The following ARPC1B variants were observed in gnomAD, a reference collection of about 807,000 sequenced individuals.
ARPC1B encodes actin-related protein 2/3 complex subunit 1B.
Under a neutral mutation model 46.0 loss-of-function variants are expected in ARPC1B, and 29 were observed. The ratio of observed to expected loss-of-function variants is 0.63; its 90% CI spans 0.47 to 0.86. The LOEUF (loss-of-function observed/expected upper bound fraction) is 0.86, where lower values mean the gene tolerates loss of function less well. Among genes scored for constraint, ARPC1B ranks in the 40% least tolerant of loss-of-function variants. ARPC1B has a pLI of 0.00. For missense variants in ARPC1B, 469 were observed against 529.4 expected (o/e 0.89, Z 1.12); for synonymous variants, 201 against 213.9 (o/e 0.94, Z 0.53).
intron 1 of ARPC1B, among the ~76,000 whole-genome samples, chr7:99,379,846 T>C (rs932477948): frequency 2.0e-5 from 3 of 150,686 alleles, no homozygotes; most frequent in African/African-American, 7.4e-5. Flanking sequence ...GGTTTTGCCA[T>C]GTTGGCCAGG....
chr7:99,392,821 G>A lies in ARPC1B; in HGVS notation c.934G>A (p.Glu312Lys). ...GAACCTGGACAAGAAGGCGAGCTCC[G>A]AGGGTGGCACGGCTGCGGGCGCGGG... ...FQNLDKKASSEGGTAAGAGLD... is the reference protein window; with the variant it reads ...FQNLDKKASSKGGTAAGAGLD... The change falls in exon 8 of 10, where the codon GAG becomes AAG. Residue 312 changes from glutamate to lysine, a missense_variant. Physicochemically the swap from Glu to Lys is moderately conservative, Grantham distance 56. Coordinates refer to ENST00000646101, the MANE Select transcript of ARPC1B (RefSeq NM_005720.4). 6.5e-7 allele frequency: 1 copy of A among 1,550,274 alleles called. No homozygotes were observed. The highest frequency in any genetic ancestry group is 8.7e-7 in the Non-Finnish European group (1 of 1,146,842).
At position 99,385,795 on chromosome 7, in the gene ARPC1B, G is replaced by A; in HGVS notation, c.64+17G>A. ...ACCGCACCCGTGAGTGCTTGCTGGG[G>A]GCCGGTGGGTGGCTGCTTCCACCTC... On this transcript the variant is annotated intron_variant, in intron 2 of 9. Coordinates refer to ENST00000646101, the MANE Select transcript of ARPC1B (RefSeq NM_005720.4). 6.2e-7 allele frequency: 1 copy of A among 1,603,038 alleles called. No individual in the cohort carries two copies. The highest frequency in any genetic ancestry group is 8.5e-7 in the Non-Finnish European group (1 of 1,176,836).
chr7:99,376,047 G>C (rs1358146841), intron 1 of ARPC1B, among the ~76,000 whole-genome samples: 3 of 139,854 alleles, frequency 2.1e-5, no homozygotes, highest in Admixed American at 2.1e-4. Flanking sequence ...GGGCAACAGA[G>C]CAAGACTCCG....
intron 4 of ARPC1B, chr7:99,388,747 C>T (rs1794479512): frequency 6.5e-6 from 1 of 154,504 alleles, no homozygotes; most frequent in African/African-American, 2.4e-5. Flanking sequence ...AGTTCTCTGC[C>T]TCAGCCTCCC....
chr7:99,381,550 G>C (rs1323051383), intron 1 of ARPC1B, among the ~76,000 whole-genome samples: 1 of 152,116 alleles, frequency 6.6e-6, no homozygotes, highest in Non-Finnish European at 1.5e-5. Context: ...GACCCACCGG[G>C]GTCCTGTTCT....
chr7:99,386,213 T>C (rs1003809527), intron 2 of ARPC1B, among the ~76,000 whole-genome samples: 24 of 148,574 alleles, frequency 1.6e-4, no homozygotes, highest in African/African-American at 5.8e-4. Flanking sequence ...ATTGCACCAC[T>C]GCACTCCAGC....
At chr7:99,389,820 T>C in intron 4 of ARPC1B, 85 bp from the exon 5 acceptor site, 1 of 1,150,516 alleles carries the variant, frequency 8.7e-7, no homozygotes, top group Non-Finnish European at 1.3e-6. Flanking sequence ...CAGGGAGCAG[T>C]GGGAGCCTGG....
rs1584411006 is a variant in ARPC1B, at chr7:99,391,399, AGGTTG to A, written c.783+151_783+155del. ...CTCATGTACCAGAATTGGGCAGAAC[AGGTTG>A]GGTTATGCTGCAGTAACCAAAAGTC... On this transcript the variant is annotated intron_variant, in intron 7 of 9. Coordinates refer to ENST00000646101, the MANE Select transcript of ARPC1B (RefSeq NM_005720.4). 5 of 881,560 alleles carry A rather than the reference AGGTTG, an allele frequency of 5.7e-6. No individual in the cohort carries two copies. In the East Asian group the frequency reaches 1.3e-4, roughly 24 times the overall value. 54.6% of individuals were successfully genotyped at this position (881,560 alleles called of 1,614,324 possible).
At chr7:99,374,274 C>G (rs1262146246), upstream of ARPC1B, 1 of 152,086 alleles carries the variant, frequency 6.6e-6, no homozygotes, top group South Asian at 2.1e-4. The surrounding 1 kb of genome is among the most constrained non-coding windows in gnomAD (Gnocchi z 5.0). Flanking sequence ...TGGCGCCCAC[C>G]GGCATCAGCG....
chr7:99,387,736 CAAAAAAAAAAAAA>C (rs35192470), intron 3 of ARPC1B, among the ~76,000 whole-genome samples: 5 of 61,420 alleles, frequency 8.1e-5, no homozygotes, highest in Admixed American at 6.3e-4. Flanking sequence ...GACTCTGTCT[CAAAAAAAAAAAAA>C]AAAAAAAAAG....
At chr7:99,378,852 C>A (rs1584398207) in intron 1 of ARPC1B, among the ~76,000 whole-genome samples, 1 of 138,664 alleles carries the variant, frequency 7.2e-6, no homozygotes, top group Non-Finnish European at 1.5e-5. Flanking sequence ...TCTCGGCTCA[C>A]TGCAAGCTCC....
chr7:99,385,902 C>A, intron 2 of ARPC1B, 124 bp downstream of exon 2: 2 of 984,188 alleles, frequency 2.0e-6, no homozygotes, highest in East Asian at 5.3e-5. Flanking sequence ...GTGGCTGTCC[C>A]CTGGCCTCAC....
At chr7:99,376,196 C>T (rs1794027425) in intron 1 of ARPC1B, among the ~76,000 whole-genome samples, 1 of 152,102 alleles carries the variant, frequency 6.6e-6, no homozygotes, top group Non-Finnish European at 1.5e-5. Flanking sequence ...GCAACAGAGC[C>T]AGACTCCGTC....
intron 5 of ARPC1B, 73 bp from the exon 6 acceptor site, chr7:99,390,820 C>T (rs1486282638): frequency 2.1e-5 from 29 of 1,397,594 alleles, no homozygotes; most frequent in Non-Finnish European, 2.5e-5. Flanking sequence ...GCCTCAGCCT[C>T]CTGAGTAGCT....
intron 1 of ARPC1B, among the ~76,000 whole-genome samples, chr7:99,384,536 A>C (rs1003569232): frequency 6.6e-6 from 1 of 152,116 alleles, no homozygotes. Context: ...CCACAGAGAG[A>C]GACCCTGTCT....
intron 2 of ARPC1B, among the ~76,000 whole-genome samples, chr7:99,386,081 T>C (rs1466177021): frequency 6.6e-6 from 1 of 151,924 alleles, no homozygotes; most frequent in Admixed American, 6.6e-5. Context: ...TGAAACCCTG[T>C]CTCTACTAAA....
At chr7:99,375,986 C>G (rs1169599197) in intron 1 of ARPC1B, among the ~76,000 whole-genome samples, 2 of 148,874 alleles carry the variant, frequency 1.3e-5, no homozygotes, top group Non-Finnish European at 3.0e-5. Flanking sequence ...TGCTTGAACC[C>G]GGGAGGCAGA....
intron 1 of ARPC1B, among the ~76,000 whole-genome samples, chr7:99,382,429 T>C (rs1339952816): frequency 6.6e-6 from 1 of 151,790 alleles, no homozygotes; most frequent in Non-Finnish European, 1.5e-5. Context: ...AGGATACTTT[T>C]TTTTCTAGAG....
intron 8 of ARPC1B, among the ~76,000 whole-genome samples, chr7:99,393,556 C>T (rs1254610857): frequency 6.6e-6 from 1 of 151,970 alleles, no homozygotes. Flanking sequence ...GGAAGAGGCT[C>T]TTCAAAGCCC....
Sources: gnomAD v4.1 joint callset for allele counts (sites outside exome capture counted in the v4.1 genomes callset) on GRCh38, gnomAD v4.1.1 for gene constraint, Gnocchi (gnomAD v3.1) non-coding constraint, MANE v1.5 for transcripts, NCBI Gene and HGNC (gene_info 2026-07-23, HGNC 2026-07-21) for gene names.